The following PLD1 variants were observed in gnomAD, a reference collection of about 807,000 sequenced individuals.
PLD1 encodes phospholipase D1.
A neutral mutation model predicts 137.1 loss-of-function variants in PLD1; 112 were observed. That is an observed-to-expected ratio of 0.82 (90% confidence interval 0.70 to 0.96). The LOEUF is 0.96. Among genes scored for constraint, PLD1 ranks in the 40% least tolerant of loss-of-function variants. The pLI is 0.00. For missense variants in PLD1, 1,321 were observed against 1,342.0 expected (o/e 0.98, Z 0.24); for synonymous variants, 431 against 454.7 (o/e 0.95, Z 0.66).
chr3:171,737,997 C>T lies in PLD1; in HGVS notation c.55G>A (p.Ala19Thr), dbSNP rs138981904. 1.2e-5 allele frequency: 20 copies of T among 1,613,776 alleles called. No homozygotes were observed. The African/African-American group carries it at 2.7e-4, about 22-fold the overall frequency. ...VNTSALQKIA[A>T]DMSNIIENLD... ...TTTTCTATGATATTACTCATGTCAG[C>T]AGCAATTTTCTGCAGTGCAGAGGTA... Residue 19 changes from alanine to threonine, a missense_variant, in exon 2 of 27, where the codon GCT (alanine) becomes ACT (threonine). Ala to Thr is a moderately conservative substitution (Grantham distance 58, BLOSUM62 0). Transcript: ENST00000351298.
intron 1 of PLD1, among the ~76,000 whole-genome samples, chr3:171,785,328 G>A (rs748476891): frequency 6.6e-6 from 1 of 152,022 alleles, no homozygotes; most frequent in Non-Finnish European, 1.5e-5. Context: ...ATAATTTAAT[G>A]AGTTTATTTA....
intron 1 of PLD1, among the ~76,000 whole-genome samples, chr3:171,743,053 T>C (rs755308869): frequency 6.6e-6 from 1 of 152,092 alleles, no homozygotes; most frequent in Non-Finnish European, 1.5e-5. Flanking sequence ...TGACCTAGAA[T>C]TGTTCTATCC....
chr3:171,714,738 A>AG (rs1466090618), intron 8 of PLD1, among the ~76,000 whole-genome samples: 1 of 152,050 alleles, frequency 6.6e-6, no homozygotes, highest in Middle Eastern at 3.2e-3. Flanking sequence ...ATTTCCACAT[A>AG]GTTTCATTTC....
chr3:171,720,097 C>T (rs1717980355), intron 8 of PLD1, among the ~76,000 whole-genome samples: 2 of 151,948 alleles, frequency 1.3e-5, no homozygotes, highest in African/African-American at 4.8e-5. Flanking sequence ...GAGTTCAAGA[C>T]CAGCCTGGGC....
intron 23 of PLD1, among the ~76,000 whole-genome samples, chr3:171,631,012 A>C (rs193108044): frequency 0.011 from 1,620 of 152,166 alleles, 39 homozygotes; most frequent in African/African-American, 0.038. Flanking sequence ...CTTAAAGTAT[A>C]ATAATAATGA....
At chr3:171,610,171 T>C (rs1432374869) in intron 25 of PLD1, among the ~76,000 whole-genome samples, 7 of 152,138 alleles carry the variant, frequency 4.6e-5, no homozygotes, top group African/African-American at 1.7e-4. Context: ...AACAAGAAGG[T>C]ATCTACAAAC....
At chr3:171,736,855 G>A (rs2108264414) in intron 3 of PLD1, among the ~76,000 whole-genome samples, 1 of 152,286 alleles carries the variant, frequency 6.6e-6, no homozygotes, top group African/African-American at 2.4e-5. Context: ...ATCCAGCCAG[G>A]AACAGAGAAA....
At chr3:171,784,754 T>G (rs1041291056) in intron 1 of PLD1, among the ~76,000 whole-genome samples, 10 of 152,180 alleles carry the variant, frequency 6.6e-5, no homozygotes, top group African/African-American at 2.4e-4. Context: ...CCACCAAAGC[T>G]TTTTACCTGC....
In PLD1 at chr3:171,764,933, G is replaced by GAAA. The variant is rs1342886022; in HGVS notation, c.-31-26852_-31-26851insTTT. 2.7e-3 allele frequency among the ~76,000 whole-genome samples: 64 copies of GAAA among 23,752 alleles called. 6 individuals carry two copies. The highest frequency in any genetic ancestry group is 8.0e-3 in the African/African-American group (59 of 7,386). The allele number at this position is 23,752 out of a possible 152,430, so 15.6% of individuals were successfully genotyped here. ...GAAGGAAAGAAAGAAAGGAAAGAAA[G>GAAA]GAAAGAAAGAAAGAAAGAAAGAAAG... On this transcript the variant is annotated intron_variant, in intron 1 of 26. Transcript: ENST00000351298.
rs550607999 is a variant in PLD1 at position 171,677,754 on chromosome 3, G to A, written c.1868-60C>T. On this transcript the variant is annotated intron_variant, in intron 16 of 26. Transcript: ENST00000351298. The stretch of plus-strand genomic sequence containing the variant: ...GTTCAGGTGAGTCCCAGAAAGGGAG[G>A]CTCAACTCTCATTTATTAAACACCT... 6.1e-5 allele frequency: 93 copies of A among 1,525,836 alleles called. 1 individual carries two copies. The African/African-American group carries it at 1.2e-3, about 20-fold the overall frequency. The allele number at this position is 1,525,836 out of a possible 1,614,324, so 94.5% of individuals were successfully genotyped here. A position where few individuals can be genotyped will look rare whatever the true frequency, so the allele number is the denominator to read the frequency against.
At chr3:171,647,094 C>T (rs1736293723) in intron 21 of PLD1, among the ~76,000 whole-genome samples, 1 of 152,254 alleles carries the variant, frequency 6.6e-6, no homozygotes, top group Non-Finnish European at 1.5e-5. Context: ...GTGATACACA[C>T]ATCTGCTCTC....
At chr3:171,604,132 A>ATCC (rs1326719709) in intron 26 of PLD1, among the ~76,000 whole-genome samples, 1 of 151,980 alleles carries the variant, frequency 6.6e-6, no homozygotes, top group Non-Finnish European at 1.5e-5. Context: ...TGAGGTCAGG[A>ATCC]GTTCAAGACC....
At chr3:171,699,328 T>G (rs1294706154) in intron 12 of PLD1, among the ~76,000 whole-genome samples, 1 of 152,196 alleles carries the variant, frequency 6.6e-6, no homozygotes, top group Non-Finnish European at 1.5e-5. Context: ...TTAATATTAT[T>G]CTACACCACA....
chr3:171,737,840 C>A, intron 2 of PLD1, 52 bp downstream of exon 2: 1 of 1,558,490 alleles, frequency 6.4e-7, no homozygotes, highest in Non-Finnish European at 8.7e-7. Context: ...TGTGGTCTTC[C>A]GACCAACCGA....
At chr3:171,688,959 A>ACCT in intron 13 of PLD1, 83 bp from the exon 14 acceptor site, 1 of 989,764 alleles carries the variant, frequency 1.0e-6, no homozygotes, top group Non-Finnish European at 1.6e-6. Flanking sequence ...GTTCTCCCTG[A>ACCT]AAAGCATTTT....
chr3:171,622,321 G>A (rs757957652), intron 23 of PLD1, among the ~76,000 whole-genome samples: 4 of 152,068 alleles, frequency 2.6e-5, no homozygotes, highest in East Asian at 1.9e-4. Context: ...CTGATTCAGC[G>A]GAAATCAATT....
At chr3:171,687,288 G>T in intron 15 of PLD1, 83 bp downstream of exon 15, 5 of 1,142,038 alleles carry the variant, frequency 4.4e-6, no homozygotes, top group Non-Finnish European at 6.6e-6. Flanking sequence ...CAGAAAGACA[G>T]ATTTTAAAAA....
intron 1 of PLD1, among the ~76,000 whole-genome samples, chr3:171,777,647 T>G (rs1467930950): frequency 1.3e-5 from 2 of 152,210 alleles, no homozygotes; most frequent in Non-Finnish European, 2.9e-5. Context: ...TACCTAGTTC[T>G]TCCTTCCTTT....
chr3:171,676,597 C>T, intron 18 of PLD1, 118 bp downstream of exon 18: 1 of 773,516 alleles, frequency 1.3e-6, no homozygotes, highest in South Asian at 1.7e-5. Context: ...AACAGCAGAG[C>T]AGTGACACAG....
Sources: allele counts gnomAD v4.1 joint callset (sites outside exome capture counted in the v4.1 genomes callset), GRCh38; gene constraint gnomAD v4.1.1; transcripts MANE v1.5; gene names NCBI Gene and HGNC (gene_info 2026-07-23, HGNC 2026-07-21).